DOCK7: variants seen among roughly 807,000 people sequenced by gnomAD.
DOCK7 encodes the protein dedicator of cytokinesis 7.
In DOCK7, 138 loss-of-function variants were observed where a neutral mutation model predicts 271.0. That is an observed-to-expected ratio of 0.51 (90% CI 0.44 to 0.59). DOCK7 has a LOEUF of 0.59. Ranked by LOEUF, DOCK7 falls within the 20% of genes least tolerant of loss-of-function variation. The pLI, the probability that DOCK7 is intolerant of heterozygous loss-of-function variation, is 0.00. For synonymous variants in DOCK7, 823 were observed against 876.1 expected, an observed-to-expected ratio of 0.94 and a Z score of 1.07; for missense variants, 2,066 against 2,592.4, an observed-to-expected ratio of 0.80 and a Z score of 4.41.
chr1:62,575,930 A>G (rs367888861), intron 18 of DOCK7, among the ~76,000 whole-genome samples: 1 of 152,214 alleles, frequency 6.6e-6, no homozygotes, highest in Non-Finnish European at 1.5e-5. Flanking sequence ...TTTGAAACAT[A>G]ATGCTCTCTG....
intron 7 of DOCK7, among the ~76,000 whole-genome samples, 156 bp from the exon 8 acceptor site, chr1:62,636,759 T>C (rs1487840818): frequency 6.6e-6 from 1 of 152,196 alleles, no homozygotes; most frequent in Non-Finnish European, 1.5e-5. Context: ...TACACTCTTC[T>C]ATGCATATCG....
At position 62,647,767 on chromosome 1, in the gene DOCK7, T is replaced by C. The variant is rs1162332767; in HGVS notation, c.742A>G (p.Ile248Val). The C allele has an allele frequency of 1.4e-5, 22 of 1,604,408 alleles. No homozygotes were observed. Among genetic ancestry groups the C allele is most frequent in the East Asian group, 2.2e-5 (1 of 44,674 alleles). ...ATATCAGGAACACTAAGCCGTTCTATTGGTTCTTCCTACAAATTGAAAAGC... is the reference window on the plus strand; with the variant it reads ...ATATCAGGAACACTAAGCCGTTCTACTGGTTCTTCCTACAAATTGAAAAGC... ...LHPSPDEEEP[I>V]ERLSVPDIPK... The change falls in exon 7 of 50, where the codon ATA becomes GTA. Residue 248 changes from isoleucine (I) to valine (V), a missense_variant. By Grantham distance (29) the Ile-to-Val change is conservative. Coordinates refer to ENST00000635253, the MANE Select transcript of DOCK7 (RefSeq NM_001367561.1).
rs1004926026 is a variant in DOCK7, at chr1:62,505,903, G to C, written c.4477-87C>G. ...CAGGCCTCCCTATGTATAAATAAAGGCCTCCCTGTATGTATAAGTAAAGTT... is the reference window on the plus strand; with the variant it reads ...CAGGCCTCCCTATGTATAAATAAAGCCCTCCCTGTATGTATAAGTAAAGTT... On this transcript the variant is annotated intron_variant, in intron 35 of 49. Transcript: ENST00000635253. 11 of 1,303,072 alleles carry C rather than the reference G, an allele frequency of 8.4e-6. No individual in the cohort carries two copies. The East Asian group carries it at 1.3e-4, about 15-fold the overall frequency. 80.7% of individuals were successfully genotyped at this position (1,303,072 alleles called of 1,614,324 possible).
At chr1:62,581,985 A>C (rs1464261648) in intron 16 of DOCK7, among the ~76,000 whole-genome samples, 1 of 152,206 alleles carries the variant, frequency 6.6e-6, no homozygotes, top group Non-Finnish European at 1.5e-5. Context: ...TGATTGACTT[A>C]TATTCTGGAA....
chr1:62,583,654 A>G (rs1460025246), intron 15 of DOCK7, among the ~76,000 whole-genome samples: 2 of 152,122 alleles, frequency 1.3e-5, no homozygotes, highest in Non-Finnish European at 2.9e-5. Flanking sequence ...CTAAAACAGC[A>G]GAGTCATTCT....
intron 34 of DOCK7, among the ~76,000 whole-genome samples, chr1:62,509,470 C>T (rs1644418548): frequency 6.6e-6 from 1 of 151,890 alleles, no homozygotes; most frequent in Non-Finnish European, 1.5e-5. Flanking sequence ...TCCCTCAAAA[C>T]ACAGCAAGAT....
chr1:62,550,719 ATTT>A (rs11343278), intron 22 of DOCK7, among the ~76,000 whole-genome samples: 2 of 143,276 alleles, frequency 1.4e-5, no homozygotes, highest in South Asian at 2.2e-4. Flanking sequence ...AATGGGAGTA[ATTT>A]TTTTTTTTTT....
intron 7 of DOCK7, among the ~76,000 whole-genome samples, chr1:62,645,602 T>C (rs1656549418): frequency 6.6e-6 from 1 of 152,198 alleles, no homozygotes; most frequent in African/African-American, 2.4e-5. Flanking sequence ...CTAAAATTTA[T>C]TGCAATAATA....
Position 62,539,529 on chromosome 1 carries a change from C to A in DOCK7, c.3300+16G>T, listed in dbSNP as rs773929064. 2 of 1,558,894 alleles carry A rather than the reference C, an allele frequency of 1.3e-6. No homozygotes were observed. The highest frequency in any genetic ancestry group is 1.7e-6 in the Non-Finnish European group (2 of 1,144,330). ...TTAAATTATTTGATTACTAATTATT[C>A]CTAACTATGCATTACCTGTTTATAG... On this transcript the variant is annotated intron_variant, in intron 27 of 49. Transcript: ENST00000635253.
chr1:62,535,746 C>T, intron 28 of DOCK7, 114 bp from the exon 29 acceptor site: 1 of 1,021,032 alleles, frequency 9.8e-7, no homozygotes, highest in Non-Finnish European at 1.3e-6. Flanking sequence ...TTTTATATTA[C>T]TAACACTGAA....
chr1:62,525,431 T>C (rs191215174), intron 31 of DOCK7, among the ~76,000 whole-genome samples: 85 of 152,340 alleles, frequency 5.6e-4, no homozygotes, highest in Admixed American at 5.5e-3. Context: ...GCCAACATCC[T>C]TGTTTTTGAC....
intron 48 of DOCK7, 150 bp downstream of exon 48, chr1:62,473,832 G>A: frequency 1.9e-6 from 1 of 525,328 alleles, no homozygotes; most frequent in Non-Finnish European, 3.3e-6. Flanking sequence ...TGATTCTTCT[G>A]CCTCAGCCTC....
At chr1:62,481,857 AC>A in intron 43 of DOCK7, 1 of 152,358 alleles carries the variant, frequency 6.6e-6, no homozygotes, top group Non-Finnish European at 1.5e-5. Flanking sequence ...TTCCACAGTG[AC>A]ATCATTTCTC....
chr1:62,609,107 G>A (rs1007260202), intron 14 of DOCK7: 1 of 151,952 alleles, frequency 6.6e-6, no homozygotes, highest in Non-Finnish European at 1.5e-5. Context: ...CCAACAATTG[G>A]CCCTTTTATC....
intron 1 of DOCK7, among the ~76,000 whole-genome samples, chr1:62,682,470 C>T (rs1661278749): frequency 6.6e-6 from 1 of 152,062 alleles, no homozygotes; most frequent in South Asian, 2.1e-4. Context: ...AAAGTCAAAA[C>T]CAGACCTGCC....
chr1:62,528,280 T>G lies in DOCK7; in HGVS notation c.3807A>C (p.Pro1269=). The change falls in exon 31 of 50, where the codon CCA becomes CCC. Residue 1269 remains proline, a synonymous_variant. Coordinates refer to ENST00000635253, the MANE Select transcript of DOCK7 (RefSeq NM_001367561.1). ...FTETHNQRGR[P]ICIATDDYES... is the part of the protein sequence containing the mutation. ...CATAATCATCAGTGGCTATACAAAT[T>G]GGTCTTCCTCGTTGATTGTGAGTTT... The G allele has an allele frequency of 6.2e-7, 1 of 1,612,556 alleles. No individual in the cohort carries two copies. Among genetic ancestry groups the G allele is most frequent in the Non-Finnish European group, 8.5e-7 (1 of 1,179,346 alleles).
intron 37 of DOCK7, among the ~76,000 whole-genome samples, chr1:62,503,044 A>C (rs150923698): frequency 5.3e-5 from 8 of 152,322 alleles, no homozygotes; most frequent in African/African-American, 1.9e-4. Flanking sequence ...AAATAGAATA[A>C]AGGTTTTAAG....
In DOCK7 at chr1:62,688,209, C is replaced by T; in HGVS notation, c.38+18G>A. The T allele has an allele frequency of 7.3e-7, 1 of 1,377,520 alleles. No homozygotes were observed. The highest frequency in any genetic ancestry group is 9.5e-7 in the Non-Finnish European group (1 of 1,053,988). 85.3% of individuals were successfully genotyped at this position (1,377,520 alleles called of 1,614,324 possible). A position where few individuals can be genotyped will look rare whatever the true frequency, so the allele number is the denominator to read the frequency against. ...TTCTCGGGCGGCGGCGGCGGCGCGC[C>T]CCACGCCGGATATTTACCTGCTGAT... On this transcript the variant is annotated intron_variant, in intron 1 of 49. Transcript: ENST00000635253.
chr1:62,640,543 A>AGT (rs1422033693), intron 7 of DOCK7, among the ~76,000 whole-genome samples: 48 of 152,074 alleles, frequency 3.2e-4, no homozygotes, highest in Non-Finnish European at 5.6e-4. Flanking sequence ...GAAAAAATTA[A>AGT]GTGTGTGTGT....
Sources: allele counts gnomAD v4.1 joint callset (sites outside exome capture counted in the v4.1 genomes callset), GRCh38; gene constraint gnomAD v4.1.1; transcripts MANE v1.5; gene names NCBI Gene and HGNC (gene_info 2026-07-23, HGNC 2026-07-21).